Variants in PDE10A observed in about 807,000 individuals in gnomAD.
The protein encoded by PDE10A is cAMP and cAMP-inhibited cGMP 3',5'-cyclic phosphodiesterase 10A.
Under a neutral mutation model 97.7 loss-of-function variants are expected in PDE10A, and 39 were observed. That is an observed-to-expected ratio of 0.40 (90% confidence interval 0.31 to 0.52). PDE10A has a LOEUF of 0.52. Among genes scored for constraint, PDE10A ranks in the 20% least tolerant of loss-of-function variants. The pLI is 0.56. For missense variants in PDE10A, 731 were observed against 1,047.8 expected, an observed-to-expected ratio of 0.70 and a Z score of 4.17; for synonymous variants, 371 against 376.8, an observed-to-expected ratio of 0.98 and a Z score of 0.18.
intron 1 of PDE10A, among the ~76,000 whole-genome samples, chr6:165,724,444 C>T (rs948856285): frequency 6.6e-6 from 1 of 152,170 alleles, no homozygotes; most frequent in African/African-American, 2.4e-5. Flanking sequence ...GGCCTTCATA[C>T]AGGTGGATAG....
chr6:165,516,485 T>C (rs1781815438), intron 2 of PDE10A, among the ~76,000 whole-genome samples: 2 of 152,182 alleles, frequency 1.3e-5, no homozygotes, highest in African/African-American at 4.8e-5. Context: ...ACCTACATCA[T>C]AGAACTTTCT....
rs1486920302 is a variant in PDE10A at position 165,662,685 on chromosome 6, T to A, written c.127A>T (p.Ser43Cys). ...GGGGCCGGGCCCGGGCCCGCCGCGC[T>A]CCCCCCGCCGGCCGCGCTGAGCCGG... ...EPRLSAAGGG[S>C]AAGPGPAPEW... Residue 43 changes from serine to cysteine, a missense_variant, in exon 1 of 22, where the codon AGC (serine) becomes TGC (cysteine). This residue lies in a region of PDE10A where 181 missense variants were observed against 159.1 expected (regional missense o/e 1.14). Transcript: ENST00000539869. 1.4e-5 allele frequency: 2 copies of A among 138,332 alleles called. No individual in the cohort carries two copies. Among genetic ancestry groups the A allele is most frequent in the African/African-American group, 5.3e-5 (2 of 37,622 alleles). 8.6% of individuals were successfully genotyped at this position (138,332 alleles called of 1,614,324 possible).
chr6:165,332,907 G>A lies in PDE10A; in HGVS notation c.*118C>T. The A allele has an allele frequency of 1.4e-6, 1 of 714,374 alleles. No individual in the cohort carries two copies. The highest frequency in any genetic ancestry group is 2.6e-6 in the Non-Finnish European group (1 of 392,134). 44.3% of individuals were successfully genotyped at this position (714,374 alleles called of 1,614,324 possible). On this transcript the variant is annotated 3_prime_UTR_variant, in exon 22 of 22. Transcript: ENST00000539869. ...TATTTGATGTTACCTTCTTGAAGAG[G>A]TTTGCACCCCAGTTACCAGGTGCAG...
chr6:165,705,837 C>T (rs954061959), intron 1 of PDE10A, among the ~76,000 whole-genome samples: 19 of 152,134 alleles, frequency 1.2e-4, no homozygotes, highest in African/African-American at 4.3e-4. Flanking sequence ...GCATTCAAAA[C>T]GTAACTTTCT....
At chr6:165,675,788 A>G (rs73788712) in intron 1 of PDE10A, among the ~76,000 whole-genome samples, 198 of 152,364 alleles carry the variant, frequency 1.3e-3, no homozygotes, top group African/African-American at 4.4e-3. Context: ...AAAAAAGACA[A>G]AAACTCCTGC....
chr6:165,690,634 C>T (rs530453068), intron 1 of PDE10A, among the ~76,000 whole-genome samples: 1 of 152,292 alleles, frequency 6.6e-6, no homozygotes, highest in African/African-American at 2.4e-5. Context: ...AGCCTCCTCT[C>T]CCACACCTGC....
chr6:165,360,655 C>T (rs1445363806), intron 18 of PDE10A, among the ~76,000 whole-genome samples: 2 of 152,134 alleles, frequency 1.3e-5, no homozygotes, highest in African/African-American at 4.8e-5. Context: ...GAGGAGCCAT[C>T]CTATGGTGAG....
At chr6:165,940,763 A>G (rs535353789) in intron 1 of PDE10A, 2 of 152,374 alleles carry the variant, frequency 1.3e-5, no homozygotes, top group African/African-American at 4.8e-5. Flanking sequence ...CATTTTTAAA[A>G]GGTCTTGAAT....
chr6:165,707,459 C>G (rs558097311), intron 1 of PDE10A, among the ~76,000 whole-genome samples: 3 of 152,192 alleles, frequency 2.0e-5, no homozygotes, highest in African/African-American at 7.2e-5. Context: ...GTTGAGAAAC[C>G]GCAGTTTTCA....
intron 1 of PDE10A, among the ~76,000 whole-genome samples, chr6:165,812,744 C>G (rs13212178): frequency 0.079 from 12,076 of 152,210 alleles, 626 homozygotes; most frequent in Non-Finnish European, 0.12. Context: ...TATTGATCAC[C>G]TAGAGATTCT....
chr6:165,417,252 G>C (rs866658997), intron 11 of PDE10A, among the ~76,000 whole-genome samples: 1 of 152,124 alleles, frequency 6.6e-6, no homozygotes, highest in Non-Finnish European at 1.5e-5. Context: ...CTTGTGCTTT[G>C]AACAACATAA....
intron 5 of PDE10A, among the ~76,000 whole-genome samples, chr6:165,439,195 C>A (rs948925474): frequency 6.6e-6 from 1 of 151,910 alleles, no homozygotes; most frequent in South Asian, 2.1e-4. Context: ...ATGGAAACAC[C>A]AGACATTATT....
chr6:165,516,625 A>T (rs1781824639), intron 2 of PDE10A, among the ~76,000 whole-genome samples: 1 of 152,216 alleles, frequency 6.6e-6, no homozygotes, highest in South Asian at 2.1e-4. Flanking sequence ...CATATTTCTA[A>T]AAAGTAATTT....
chr6:165,510,749 C>A (rs1375298837), intron 2 of PDE10A, among the ~76,000 whole-genome samples: 2 of 151,996 alleles, frequency 1.3e-5, no homozygotes, highest in Non-Finnish European at 2.9e-5. Context: ...CTGATTCAAT[C>A]TTGGTAGAAT....
intron 1 of PDE10A, among the ~76,000 whole-genome samples, chr6:165,974,265 C>T (rs957507034): frequency 1.3e-5 from 2 of 152,196 alleles, no homozygotes. Flanking sequence ...CAAATAGTGA[C>T]TCCAACGACT....
rs951220802 is a variant in PDE10A, at chr6:165,635,489, G to A, written c.865+26458C>T. ...GGGGTGTGAGTGTGTGTGTGTGTGG[G>A]TGTGTGTGCATGCACGCGTGCACGA... On this transcript the variant is annotated intron_variant, in intron 1 of 21. Transcript: ENST00000539869. Among the ~76,000 whole-genome samples, 8 of 152,166 alleles carry A rather than the reference G, an allele frequency of 5.3e-5. No homozygotes were observed. The East Asian group carries it at 1.5e-3, about 29-fold the overall frequency.
At chr6:165,887,319 A>C (rs1178296659) in intron 1 of PDE10A, among the ~76,000 whole-genome samples, 1 of 151,916 alleles carries the variant, frequency 6.6e-6, no homozygotes, top group African/African-American at 2.4e-5. Flanking sequence ...CACCAGAAGA[A>C]CCCCCAGATT....
chr6:165,837,670 T>G (rs1780102003), intron 1 of PDE10A, among the ~76,000 whole-genome samples: 1 of 146,248 alleles, frequency 6.8e-6, no homozygotes, highest in African/African-American at 2.6e-5. Flanking sequence ...TTTTTTTTTT[T>G]TTTTTTTTTT....
At chr6:165,544,644 T>C (rs1166786795) in intron 1 of PDE10A, among the ~76,000 whole-genome samples, 1 of 151,724 alleles carries the variant, frequency 6.6e-6, no homozygotes, top group Non-Finnish European at 1.5e-5. Flanking sequence ...CATATCTTTA[T>C]GACTCCAGAG....
Sources: allele counts gnomAD v4.1 joint callset (sites outside exome capture counted in the v4.1 genomes callset), GRCh38; gene constraint gnomAD v4.1.1; regional missense constraint gnomAD v4.1.1; transcripts MANE v1.5; gene names NCBI Gene and HGNC (gene_info 2026-07-23, HGNC 2026-07-21).